The following LSM12 variants were observed in gnomAD, a reference collection of about 807,000 sequenced individuals.
The protein encoded by LSM12 is LSM12 homolog.
For synonymous variants in LSM12, 74 were observed against 87.3 expected, an observed-to-expected ratio of 0.85 and a Z score of 0.85; for missense variants, 108 against 238.9, an observed-to-expected ratio of 0.45 and a Z score of 3.61.
chr17:44,058,480 T>C (rs1175365489), intron 2 of LSM12, among the ~76,000 whole-genome samples: 1 of 151,898 alleles, frequency 6.6e-6, no homozygotes, highest in Non-Finnish European at 1.5e-5. Context: ...GGAAGGAGGA[T>C]TGCTTGAGCC....
intron 2 of LSM12, among the ~76,000 whole-genome samples, chr17:44,055,232 C>T (rs377437937): frequency 4.6e-5 from 7 of 152,128 alleles, no homozygotes; most frequent in African/African-American, 1.4e-4. Context: ...ACTTGCTTGC[C>T]TTAGACAAGT....
At chr17:44,042,055 G>A (rs1038180188) in intron 2 of LSM12, among the ~76,000 whole-genome samples, 23 of 152,272 alleles carry the variant, frequency 1.5e-4, no homozygotes, top group African/African-American at 5.3e-4. Context: ...GTGAGGCCGA[G>A]GCAGGCGGAT....
intron 2 of LSM12, among the ~76,000 whole-genome samples, chr17:44,041,003 A>C (rs2049480009): frequency 6.6e-6 from 1 of 150,992 alleles, no homozygotes; most frequent in Admixed American, 6.6e-5. Flanking sequence ...AACCAAACAA[A>C]AAAAAATACA....
chr17:44,057,249 A>T (rs1443289750), intron 2 of LSM12, among the ~76,000 whole-genome samples: 1 of 149,320 alleles, frequency 6.7e-6, no homozygotes, highest in African/African-American at 2.4e-5. Context: ...TCCTGGGTTC[A>T]CACCATTCTC....
chr17:44,037,869 TTC>T (rs2144064481), intron 3 of LSM12, among the ~76,000 whole-genome samples: 1 of 152,346 alleles, frequency 6.6e-6, no homozygotes, highest in Non-Finnish European at 1.5e-5. Context: ...GGCAAACTTT[TTC>T]TCTTAAGGGT....
At chr17:44,048,177 A>G (rs1450463372) in intron 2 of LSM12, among the ~76,000 whole-genome samples, 3 of 152,026 alleles carry the variant, frequency 2.0e-5, no homozygotes, top group Non-Finnish European at 4.4e-5. Context: ...TTTATGCAGC[A>G]AAACATAGAA....
intron 2 of LSM12, among the ~76,000 whole-genome samples, chr17:44,046,632 A>G (rs1244597393): frequency 7.0e-6 from 1 of 142,954 alleles, no homozygotes; most frequent in Non-Finnish European, 1.5e-5. Context: ...GCGTGAACTC[A>G]GGAGGCGGAG....
intron 2 of LSM12, among the ~76,000 whole-genome samples, chr17:44,052,306 G>C (rs1371293865): frequency 6.7e-6 from 1 of 150,158 alleles, no homozygotes; most frequent in Non-Finnish European, 1.5e-5. Flanking sequence ...GTGAGACCCT[G>C]TTTCTACAAA....
chr17:44,052,326 T>TA (rs1303216680), intron 2 of LSM12, among the ~76,000 whole-genome samples: 5 of 148,268 alleles, frequency 3.4e-5, no homozygotes, highest in Non-Finnish European at 6.0e-5. Flanking sequence ...AAAAAAAAAT[T>TA]AAAAAAAATC....
chr17:44,066,346 G>A, intron 1 of LSM12, 118 bp downstream of exon 1: 1 of 1,327,972 alleles, frequency 7.5e-7, no homozygotes. Context: ...CCCGGGCGCC[G>A]CGGTAGCCGG....
At chr17:44,037,590 TCTC>T (rs2049432472) in intron 3 of LSM12, 52 bp from the exon 4 acceptor site, 1 of 1,526,674 alleles carries the variant, frequency 6.6e-7, no homozygotes, top group East Asian at 2.4e-5. Context: ...GCATCCCACA[TCTC>T]CTGTCTGATG....
At chr17:44,049,570 G>A (rs149997931) in intron 2 of LSM12, among the ~76,000 whole-genome samples, 15 of 152,074 alleles carry the variant, frequency 9.9e-5, no homozygotes, top group Non-Finnish European at 1.9e-4. Context: ...GAGCCACTGC[G>A]TCCCACAAGT....
intron 2 of LSM12, among the ~76,000 whole-genome samples, chr17:44,057,244 G>C (rs1368756948): frequency 6.7e-6 from 1 of 149,876 alleles, no homozygotes; most frequent in Non-Finnish European, 1.5e-5. Context: ...CCGCCTCCTG[G>C]GTTCACACCA....
intron 2 of LSM12, among the ~76,000 whole-genome samples, chr17:44,043,038 G>C (rs913587445): frequency 6.6e-6 from 1 of 152,194 alleles, no homozygotes; most frequent in Non-Finnish European, 1.5e-5. Flanking sequence ...AGTAAACCAA[G>C]TGTCTAATTC....
At chr17:44,044,631 T>C (rs1048698258) in intron 2 of LSM12, among the ~76,000 whole-genome samples, 2 of 152,174 alleles carry the variant, frequency 1.3e-5, no homozygotes, top group African/African-American at 2.4e-5. Flanking sequence ...TAAAATCTCC[T>C]AGAGAGGACC....
Position 44,034,643 on chromosome 17 carries a change from A to T in LSM12, c.*1565T>A, listed in dbSNP as rs1218464934. ...CAAACCTGAGACATGAGTGATGGTT[A>T]AAAAAATTTGGGTTTTATTGTTTTT... On this transcript the variant is annotated 3_prime_UTR_variant, in exon 5 of 5. Coordinates refer to ENST00000293406, the MANE Select transcript of LSM12 (RefSeq NM_001371445.1). The T allele has an allele frequency of 6.6e-6, 1 of 152,494 alleles. No individual in the cohort carries two copies. The highest frequency in any genetic ancestry group is 2.4e-5 in the African/African-American group (1 of 41,386). The allele number at this position is 152,494 out of a possible 1,614,324, so 9.4% of individuals were successfully genotyped here.
At chr17:44,050,395 C>T (rs1365447180) in intron 2 of LSM12, among the ~76,000 whole-genome samples, 4 of 152,128 alleles carry the variant, frequency 2.6e-5, no homozygotes, top group Admixed American at 1.3e-4. Flanking sequence ...CAGGCATGCG[C>T]CACCGCACCC....
At chr17:44,055,786 G>A (rs1019986147) in intron 2 of LSM12, among the ~76,000 whole-genome samples, 1 of 148,444 alleles carries the variant, frequency 6.7e-6, no homozygotes, top group Admixed American at 6.8e-5. Flanking sequence ...CAAGAGCCCT[G>A]CTAATAGGCT....
At chr17:44,036,690 A>T (rs544238030) in intron 4 of LSM12, among the ~76,000 whole-genome samples, 4 of 100,014 alleles carry the variant, frequency 4.0e-5, no homozygotes, top group African/African-American at 2.0e-4. Context: ...TCCTCAGAGG[A>T]AAAAAAAAAA....
Sources: allele counts gnomAD v4.1 joint callset (sites outside exome capture counted in the v4.1 genomes callset), GRCh38; gene constraint gnomAD v4.1.1; transcripts MANE v1.5; gene names NCBI Gene and HGNC (gene_info 2026-07-23, HGNC 2026-07-21).